MBD1: variants seen among roughly 807,000 people sequenced by gnomAD.
MBD1 encodes the protein methyl-CpG binding domain protein 1.
MBD1 carries 25 observed loss-of-function variants against 82.6 expected under a neutral mutation model. The observed-to-expected ratio is 0.30, with a 90% CI of 0.22 to 0.42. The LOEUF (loss-of-function observed/expected upper bound fraction) is 0.42. MBD1 is among the 10% of genes least tolerant of loss of function. The pLI, the probability that MBD1 is intolerant of heterozygous loss-of-function variation, is 1.00. For missense variants in MBD1, 627 were observed against 819.6 expected, an observed-to-expected ratio of 0.76 and a Z score of 2.87; for synonymous variants, 301 against 303.7, an observed-to-expected ratio of 0.99 and a Z score of 0.09.
Position 50,275,039 on chromosome 18 carries a change from T to C in MBD1, c.916A>G (p.Arg306Gly), listed in dbSNP as rs2037203859. Residue 306 changes from arginine to glycine, a missense_variant, in exon 10 of 17, where the codon AGA becomes GGA. Physicochemically the swap from Arg to Gly is moderately radical, Grantham distance 125. This residue lies in a region of MBD1 where 228 missense variants were observed against 318.1 expected (regional missense o/e 0.72). Transcript: ENST00000269468. Reference sequence around the variant, plus strand: ...GCAGGTGGCGAGGGGGCCAGGGCTCTGGGGTGCTGTAGAGGCAAATGGGGT... The same window carrying C: ...GCAGGTGGCGAGGGGGCCAGGGCTCCGGGGTGCTGTAGAGGCAAATGGGGT... ...QSPEPTEPHP[R>G]ALAPSPPAEF... 5 of 1,613,944 alleles carry C rather than the reference T, an allele frequency of 3.1e-6. No homozygotes were observed. The African/African-American group carries it at 6.7e-5, about 22-fold the overall frequency.
In MBD1 at chr18:50,273,482, G is replaced by C; in HGVS notation, c.1447-11C>G. On this transcript the variant is annotated splice_polypyrimidine_tract_variant and intron_variant, in intron 12 of 16. Transcript: ENST00000269468. ...AGAGCACTGGGCCTCCTGCGTGAGG[G>C]AGGATTGCAGCAGACTTGGTCTCAG... 6.2e-7 allele frequency: 1 copy of C among 1,614,096 alleles called. No homozygotes were observed. The highest frequency in any genetic ancestry group is 8.5e-7 in the Non-Finnish European group (1 of 1,180,034).
At position 50,269,221 on chromosome 18, in the gene MBD1, A is replaced by T. The variant is rs1011060349; in HGVS notation, c.*630T>A. The T allele has an allele frequency of 1.5e-5, 16 of 1,070,982 alleles. No individual in the cohort carries two copies. Among genetic ancestry groups the T allele is most frequent in the Non-Finnish European group, 1.8e-5 (16 of 880,836 alleles). The allele number at this position is 1,070,982 out of a possible 1,614,324, so 66.3% of individuals were successfully genotyped here. ...TAGAATCTCTGTACTTGCTGGAATC[A>T]CCATGAAATCCATGGTCTTCAGCTT... On this transcript the variant is annotated 3_prime_UTR_variant, in exon 17 of 17. Transcript: ENST00000269468.
chr18:50,276,455 G>A (rs1317958131), intron 5 of MBD1, 37 bp from the exon 6 acceptor site: 2 of 1,606,022 alleles, frequency 1.2e-6, no homozygotes, highest in East Asian at 2.2e-5. Flanking sequence ...AAGTGGAAAG[G>A]AAGCAACAGA....
intron 11 of MBD1, 131 bp from the exon 12 acceptor site, chr18:50,273,994 C>T: frequency 7.4e-7 from 1 of 1,347,118 alleles, no homozygotes; most frequent in Non-Finnish European, 1.1e-6. Context: ...AGCCCTTCAT[C>T]ACTGAGCCTG....
chr18:50,275,892 C>T lies in MBD1; in HGVS notation c.606G>A (p.Val202=). The change falls in exon 7 of 17, where the codon GTG becomes GTA. Residue 202 remains valine (V), a synonymous_variant. Transcript: ENST00000269468. ...CACACTTGCAGAACAGCCCCGATGC[C>T]ACATCATGGGGCAGCTGCAGGAGGC... ...STCLLQLPHD[V]ASGLFCKCER... The T allele has an allele frequency of 1.9e-6, 3 of 1,614,172 alleles. No homozygotes were observed. Among genetic ancestry groups the T allele is most frequent in the Non-Finnish European group, 2.5e-6 (3 of 1,180,022 alleles).
intron 3 of MBD1, 36 bp downstream of exon 3, chr18:50,277,054 T>C: frequency 2.5e-6 from 4 of 1,610,446 alleles, no homozygotes; most frequent in Non-Finnish European, 3.4e-6. Context: ...GGGTGGCACA[T>C]CCACCCCTAC....
In MBD1 at chr18:50,275,908, T is replaced by C. The variant is rs1446749423; in HGVS notation, c.590A>G (p.Gln197Arg). 1.2e-6 allele frequency: 2 copies of C among 1,614,142 alleles called. No individual in the cohort carries two copies. Among genetic ancestry groups the C allele is most frequent in the Non-Finnish European group, 8.5e-7 (1 of 1,180,024 alleles). The change falls in exon 7 of 17, where the codon CAG becomes CGG. Residue 197 changes from glutamine to arginine, a missense_variant. By Grantham distance (43) the Gln-to-Arg change is conservative. Coordinates refer to ENST00000269468, the MANE Select transcript of MBD1 (RefSeq NM_015846.4). Reference protein sequence around the residue: ...DCGACSTCLLQLPHDVASGLF... With the variant: ...DCGACSTCLLRLPHDVASGLF... ...CCCCGATGCCACATCATGGGGCAGC[T>C]GCAGGAGGCAGGTGGAGCAGGCCCC...
intron 16 of MBD1, chr18:50,271,141 C>A (rs182197415): frequency 8.6e-7 from 1 of 1,165,850 alleles, no homozygotes; most frequent in African/African-American, 1.6e-5. Context: ...AAGCCACTTA[C>A]AATTACTCAT....
chr18:50,271,128 C>T, intron 16 of MBD1: 1 of 1,143,148 alleles, frequency 8.7e-7, no homozygotes, highest in Non-Finnish European at 1.1e-6. Flanking sequence ...AGGTCTCATC[C>T]AGAAGCCACT....
intron 13 of MBD1, 147 bp downstream of exon 13, chr18:50,273,187 G>C (rs957866392): frequency 1.5e-5 from 20 of 1,303,980 alleles, no homozygotes; most frequent in Non-Finnish European, 2.0e-5. Flanking sequence ...GAGGTAGGGT[G>C]TCTGTTAGAC....
rs1470362568 is a variant in MBD1, at chr18:50,272,657, CCTCA to C, written c.1778+16_1778+19del. 6.2e-6 allele frequency: 10 copies of C among 1,614,002 alleles called. No homozygotes were observed. Among genetic ancestry groups the C allele is most frequent in the Admixed American group, 1.7e-5 (1 of 60,008 alleles). On this transcript the variant is annotated intron_variant, in intron 15 of 16. Coordinates refer to ENST00000269468, the MANE Select transcript of MBD1 (RefSeq NM_015846.4). Reference sequence around the variant, plus strand: ...GGCCAACACCCACTCCTTCCCCACCCCTCACTGTGTGGGGCACACCTTGGCAACC... The same window carrying C: ...GGCCAACACCCACTCCTTCCCCACCCCTGTGTGGGGCACACCTTGGCAACC...
downstream of MBD1, among the ~76,000 whole-genome samples, chr18:50,268,236 G>T (rs892351407): frequency 7.5e-5 from 11 of 145,736 alleles, no homozygotes; most frequent in Non-Finnish European, 1.6e-4. Flanking sequence ...TACGGCTTGG[G>T]AAAATCGGCG....
Position 50,273,664 on chromosome 18 carries a change from A to G in MBD1, c.1346T>C (p.Leu449Pro), listed in dbSNP as rs868020279. ...CACAAGGTCAGTGCCAGGCGGGGGC[A>G]GCACAAAGCCACCACCTGCTTCCTG... ...TKQEAGGGFVLPPPGTDLVFL... is the reference protein window; with the variant it reads ...TKQEAGGGFVPPPPGTDLVFL... The change falls in exon 12 of 17, where the codon CTG (leucine) becomes CCG (proline). Residue 449 changes from leucine (L) to proline (P), a missense_variant. Physicochemically the swap from Leu to Pro is moderately conservative, Grantham distance 98. This residue lies in a region of MBD1 where 265 missense variants were observed against 278.4 expected (regional missense o/e 0.95). Transcript: ENST00000269468. 7.4e-6 allele frequency: 12 copies of G among 1,613,952 alleles called. No individual in the cohort carries two copies. Among genetic ancestry groups the G allele is most frequent in the Non-Finnish European group, 9.3e-6 (11 of 1,180,040 alleles).
At chr18:50,273,910 T>A in intron 11 of MBD1, 47 bp from the exon 12 acceptor site, 1 of 1,601,764 alleles carries the variant, frequency 6.2e-7, no homozygotes, top group Non-Finnish European at 8.5e-7. Flanking sequence ...TCCTGACCAA[T>A]CACATCCACC....
At chr18:50,280,667 G>A (rs1568276120) in intron 1 of MBD1, among the ~76,000 whole-genome samples, 1 of 151,590 alleles carries the variant, frequency 6.6e-6, no homozygotes, top group Non-Finnish European at 1.5e-5. Flanking sequence ...CACACTGGAA[G>A]CCTCCCATGC....
rs1480901303 is a variant in MBD1 at position 50,276,964 on chromosome 18, T to C, written c.260A>G (p.Lys87Arg). 1 of 1,614,236 alleles carries C rather than the reference T, an allele frequency of 6.2e-7. No individual in the cohort carries two copies. The highest frequency in any genetic ancestry group is 1.1e-5 in the South Asian group (1 of 91,088). Residue 87 changes from lysine to arginine, a missense_variant, in exon 4 of 17, where the codon AAG becomes AGG. Physicochemically the swap from Lys to Arg is conservative, Grantham distance 26 (BLOSUM62 2). This residue lies in a region of MBD1 where 75 missense variants were observed against 74.7 expected (regional missense o/e 1.00). Coordinates refer to ENST00000269468, the MANE Select transcript of MBD1 (RefSeq NM_015846.4). ...AGTCTTGGCTGGCCTTGAAGGCTTC[T>C]TTCGCTTCTTGCTGGCAACCGCCAC... ...HPVAVASKKR[K>R]KPSRPAKTRK...
At chr18:50,270,425 C>A (rs913020252) in intron 16 of MBD1, 1 of 455,348 alleles carries the variant, frequency 2.2e-6, no homozygotes, top group Non-Finnish European at 4.3e-6. Context: ...TTGGGCAGGA[C>A]TCGAAGCAGG....
Position 50,276,715 on chromosome 18 carries a change from G to A in MBD1, c.422C>T (p.Ser141Leu). ...CCGCTGCCTTTGGGTGCCATCCCCT[G>A]AGAAGCTGATTCCACAGTTCTCACA... ...GCCENCGISF[S>L]GDGTQRQRLK... Residue 141 changes from serine to leucine, a missense_variant, in exon 5 of 17, where the codon TCA becomes TTA. By Grantham distance (145) the Ser-to-Leu change is moderately radical. Around this residue, in one of 6 missense-constraint regions of MBD1, gnomAD observed 228 missense variants for 318.1 expected, o/e 0.72. Coordinates refer to ENST00000269468, the MANE Select transcript of MBD1 (RefSeq NM_015846.4). 6.2e-7 allele frequency: 1 copy of A among 1,614,204 alleles called. No homozygotes were observed. The highest frequency in any genetic ancestry group is 8.5e-7 in the Non-Finnish European group (1 of 1,180,048).
chr18:50,279,519 A>G (rs1353366265), intron 2 of MBD1, among the ~76,000 whole-genome samples: 2 of 152,224 alleles, frequency 1.3e-5, no homozygotes, highest in Admixed American at 6.5e-5. Flanking sequence ...TTAAAAAGCA[A>G]AATCACCAAA....
Sources: allele counts gnomAD v4.1 joint callset (sites outside exome capture counted in the v4.1 genomes callset), GRCh38; gene constraint gnomAD v4.1.1; regional missense constraint gnomAD v4.1.1; transcripts MANE v1.5; gene names NCBI Gene and HGNC (gene_info 2026-07-23, HGNC 2026-07-21).